ZNF655: variants seen among roughly 807,000 people sequenced by gnomAD.
ZNF655 encodes Vav-interacting Kruppel-like protein 1.
In ZNF655, 3 loss-of-function variants were observed where a neutral mutation model predicts 6.6. The observed-to-expected ratio is 0.46, with a 90% CI of 0.21 to 1.18. The LOEUF is 1.18. Ranked by LOEUF, ZNF655 falls within the 50% of genes most tolerant of loss-of-function variation. The pLI, the probability that ZNF655 is intolerant of heterozygous loss-of-function variation, is 0.24. For synonymous variants in ZNF655, 178 were observed against 195.0 expected, an observed-to-expected ratio of 0.91 and a Z score of 0.73; for missense variants, 526 against 572.3, an observed-to-expected ratio of 0.92 and a Z score of 0.83.
chr7:99,566,021 A>ATGTGTGTG (rs34698828), intron 2 of ZNF655, among the ~76,000 whole-genome samples: 1,705 of 149,946 alleles, frequency 0.011, 23 homozygotes, highest in African/African-American at 0.032. Context: ...GGACATTTAT[A>ATGTGTGTG]TGTGTGTGTG....
intron 2 of ZNF655, chr7:99,563,196 G>A: frequency 2.2e-6 from 1 of 455,452 alleles, no homozygotes; most frequent in South Asian, 1.6e-5. Context: ...AGGTACAGTG[G>A]GAAGCTGGGA....
At chr7:99,561,962 GCCAGGTA>G in intron 2 of ZNF655, 1 of 1,592,052 alleles carries the variant, frequency 6.3e-7, no homozygotes. Context: ...GCTCTTGACA[GCCAGGTA>G]CCAGGTGAGC....
At chr7:99,568,649 A>G (rs1803814284) in intron 2 of ZNF655, among the ~76,000 whole-genome samples, 1 of 152,022 alleles carries the variant, frequency 6.6e-6, no homozygotes, top group Admixed American at 6.6e-5. Flanking sequence ...GTAGAGATGG[A>G]GTCTCACTAT....
intron 2 of ZNF655, chr7:99,564,064 T>C (rs1216893953): frequency 4.4e-6 from 7 of 1,594,858 alleles, no homozygotes; most frequent in Non-Finnish European, 6.0e-6. Flanking sequence ...TTGTGAGATA[T>C]TAAAATTGAC....
intron 2 of ZNF655, among the ~76,000 whole-genome samples, chr7:99,561,336 CT>C (rs1417530029): frequency 6.6e-6 from 1 of 152,208 alleles, no homozygotes; most frequent in Admixed American, 6.5e-5. Flanking sequence ...CCTGAAATAA[CT>C]TGTGTGTCAC....
intron 2 of ZNF655, chr7:99,561,872 CT>C: frequency 6.8e-7 from 1 of 1,480,336 alleles, no homozygotes; most frequent in Non-Finnish European, 9.0e-7. Context: ...CTCTTCACTC[CT>C]TTCTCCTCCC....
At chr7:99,569,608 G>A (rs553515000) in intron 2 of ZNF655, among the ~76,000 whole-genome samples, 3 of 152,122 alleles carry the variant, frequency 2.0e-5, no homozygotes, top group Non-Finnish European at 4.4e-5. Context: ...CTGTAAAATG[G>A]CTATAATAAT....
chr7:99,571,726 G>C, intron 2 of ZNF655: 1 of 1,610,072 alleles, frequency 6.2e-7, no homozygotes, highest in Non-Finnish European at 8.5e-7. Flanking sequence ...CTCCCAGCTG[G>C]AACAGGATCT....
At chr7:99,571,854 T>G in intron 2 of ZNF655, 1 of 1,196,556 alleles carries the variant, frequency 8.4e-7, no homozygotes. Context: ...TGAGCCAAGT[T>G]GTAGCTGCTT....
rs1803081214 is a variant in ZNF655, at chr7:99,560,769, G to A, written c.136+74G>A. The A allele has an allele frequency of 3.2e-6, 5 of 1,560,566 alleles. No homozygotes were observed. In the Admixed American group the frequency reaches 9.3e-5, roughly 29 times the overall value. On this transcript the variant is annotated intron_variant, in intron 2 of 2. Transcript: ENST00000252713. ...GCTCCCGAGGGGGCTCCTGGGCCTG[G>A]TTTGAGAGAGGCCAAGAACTGGAAT... is the stretch of plus-strand genomic sequence containing the variant.
chr7:99,561,516 C>T (rs1408399415), intron 2 of ZNF655, among the ~76,000 whole-genome samples: 3 of 152,188 alleles, frequency 2.0e-5, no homozygotes, highest in Non-Finnish European at 4.4e-5. Context: ...AGAACAGTGC[C>T]TGGAAAGGGT....
Position 99,573,265 on chromosome 7 carries a change from G to C in ZNF655, c.1157G>C (p.Gly386Ala). Reference protein sequence around the residue: ...REKPYTCSECGKDFRLNSHLI... With the variant: ...REKPYTCSECAKDFRLNSHLI... Reference sequence around the variant, plus strand: ...AAGCCCTATACGTGTAGTGAATGTGGAAAAGACTTCAGATTGAATTCACAT... The same window carrying C: ...AAGCCCTATACGTGTAGTGAATGTGCAAAAGACTTCAGATTGAATTCACAT... The change falls in exon 3 of 3, where the codon GGA becomes GCA. Residue 386 changes from glycine to alanine, a missense_variant. Transcript: ENST00000252713. 6.2e-7 allele frequency: 1 copy of C among 1,614,148 alleles called. No individual in the cohort carries two copies.
chr7:99,573,232 T>C lies in ZNF655; in HGVS notation c.1124T>C (p.Phe375Ser). The C allele has an allele frequency of 6.2e-7, 1 of 1,614,152 alleles. No individual in the cohort carries two copies. The highest frequency in any genetic ancestry group is 8.5e-7 in the Non-Finnish European group (1 of 1,179,998). The part of the protein sequence containing the change: ...LAYIKQQGIH[F>S]REKPYTCSEC... Reference sequence around the variant, plus strand: ...TATATTAAACAACAAGGAATTCATTTCAGAGAAAAGCCCTATACGTGTAGT... The same window carrying C: ...TATATTAAACAACAAGGAATTCATTCCAGAGAAAAGCCCTATACGTGTAGT... Residue 375 changes from phenylalanine to serine, a missense_variant, in exon 3 of 3, where the codon TTC (phenylalanine) becomes TCC (serine). Physicochemically the swap from Phe to Ser is radical, Grantham distance 155 (BLOSUM62 -2). Transcript: ENST00000252713.
chr7:99,572,112 C>T, intron 2 of ZNF655, 133 bp from the exon 3 acceptor site: 3 of 966,490 alleles, frequency 3.1e-6, no homozygotes, highest in Non-Finnish European at 4.4e-6. Flanking sequence ...AGATTTTGTG[C>T]CTGTTTTTCA....
rs1388217831 is a variant in ZNF655 at position 99,575,353 on chromosome 7, A to C, written c.*1769A>C. 1 of 152,296 alleles carries C rather than the reference A, an allele frequency of 6.6e-6. No individual in the cohort carries two copies. Among genetic ancestry groups the C allele is most frequent in the Non-Finnish European group, 1.5e-5 (1 of 68,146 alleles). The allele number at this position is 152,296 out of a possible 1,614,324, so 9.4% of individuals were successfully genotyped here. A position where few individuals can be genotyped will look rare whatever the true frequency, so the allele number is the denominator to read the frequency against. ...GGCAGTCGAGACCATCCTGGCCAAC[A>C]TGGTGAAACCCCGTCTCTACTAAAA... On this transcript the variant is annotated 3_prime_UTR_variant, in exon 3 of 3. Transcript: ENST00000252713.
chr7:99,560,492 TTTAAC>T (rs1803045675), intron 1 of ZNF655, 36 bp from the exon 2 acceptor site: 3 of 1,564,674 alleles, frequency 1.9e-6, no homozygotes, highest in Non-Finnish European at 2.6e-6. Flanking sequence ...GATGAAATGC[TTTAAC>T]TTATTACAGT....
Position 99,575,580 on chromosome 7 carries a change from C to T in ZNF655, c.*1996C>T, listed in dbSNP as rs1584271742. 1.3e-5 allele frequency: 2 copies of T among 152,020 alleles called. No individual in the cohort carries two copies. The highest frequency in any genetic ancestry group is 2.1e-4 in the South Asian group (1 of 4,822). 9.4% of individuals were successfully genotyped at this position (152,020 alleles called of 1,614,324 possible). ...AAAAACAAAAAACCATACACACACA[C>T]ACACACACACAAATCAGCATCATAA... On this transcript the variant is annotated 3_prime_UTR_variant, in exon 3 of 3. Coordinates refer to ENST00000252713, the MANE Select transcript of ZNF655 (RefSeq NM_138494.3).
At chr7:99,563,963 C>A in intron 2 of ZNF655, 1 of 1,613,918 alleles carries the variant, frequency 6.2e-7, no homozygotes, top group South Asian at 1.1e-5. Context: ...AAACACTTGC[C>A]GTCCTTACAG....
chr7:99,564,537 C>T (rs1803476225), intron 2 of ZNF655: 4 of 985,544 alleles, frequency 4.1e-6, no homozygotes, highest in Admixed American at 6.2e-5. Context: ...TTAAGTGTTC[C>T]TTACTCTGTC....
Sources: allele counts gnomAD v4.1 joint callset (sites outside exome capture counted in the v4.1 genomes callset), GRCh38; gene constraint gnomAD v4.1.1; transcripts MANE v1.5; gene names NCBI Gene and HGNC (gene_info 2026-07-23, HGNC 2026-07-21).